Variants in TWIST2 observed in about 807,000 individuals in gnomAD.
TWIST2 encodes twist family bHLH transcription factor 2, also known as twist-related protein 2.
A neutral mutation model predicts 11.6 loss-of-function variants in TWIST2; 1 was observed. That is an observed-to-expected ratio of 0.09 (90% CI 0.03 to 0.41). The LOEUF is 0.41. TWIST2 is among the 10% of genes least tolerant of loss of function. The pLI, the probability that TWIST2 is intolerant of heterozygous loss-of-function variation, is 0.98. For missense variants in TWIST2, 168 were observed against 226.4 expected, an observed-to-expected ratio of 0.74 and a Z score of 1.66; for synonymous variants, 87 against 96.6, an observed-to-expected ratio of 0.90 and a Z score of 0.58.
chr2:238,889,233 G>C (rs974139654), intron 1 of TWIST2, among the ~76,000 whole-genome samples: 1 of 152,224 alleles, frequency 6.6e-6, no homozygotes, highest in Admixed American at 6.5e-5. Flanking sequence ...AACAATGTGA[G>C]TGTAAAATCT....
chr2:238,871,509 A>C (rs1574756125), intron 1 of TWIST2, among the ~76,000 whole-genome samples: 2 of 80,396 alleles, frequency 2.5e-5, no homozygotes. Flanking sequence ...ACCACACCCC[A>C]CACATACCCC....
At chr2:238,900,367 G>T (rs1693254652) in intron 1 of TWIST2, among the ~76,000 whole-genome samples, 1 of 152,176 alleles carries the variant, frequency 6.6e-6, no homozygotes, top group Admixed American at 6.5e-5. Flanking sequence ...AGCTGTAGGG[G>T]TTGCACACCC....
At chr2:238,878,248 G>T (rs1447740011) in intron 1 of TWIST2, among the ~76,000 whole-genome samples, 1 of 152,126 alleles carries the variant, frequency 6.6e-6, no homozygotes, top group Non-Finnish European at 1.5e-5. Flanking sequence ...GGATCCCTGT[G>T]CCACCAGTGG....
Position 238,848,279 on chromosome 2 carries a change from C to A in TWIST2, c.64C>A (p.Leu22Ile), listed in dbSNP as rs1380717559. Residue 22 changes from leucine (L) to isoleucine (I), a missense_variant, in exon 1 of 2, where the codon CTC becomes ATC. Leu to Ile is a conservative substitution (Grantham distance 5). Transcript: ENST00000612363. ...VDSLGTSEEE[L>I]ERQPKRFGRK... ...CAGCCTGGGCACCAGCGAGGAGGAG[C>A]TCGAGAGGCAGCCCAAGCGCTTCGG... 2 of 1,530,002 alleles carry A rather than the reference C, an allele frequency of 1.3e-6. No homozygotes were observed. The highest frequency in any genetic ancestry group is 2.0e-5 in the Admixed American group (1 of 50,834). The allele number at this position is 1,530,002 out of a possible 1,614,324, so 94.8% of individuals were successfully genotyped here. A position where few individuals can be genotyped will look rare whatever the true frequency, so the allele number is the denominator to read the frequency against.
intron 1 of TWIST2, among the ~76,000 whole-genome samples, chr2:238,900,498 T>C (rs1465580223): frequency 6.6e-6 from 1 of 152,216 alleles, no homozygotes; most frequent in Non-Finnish European, 1.5e-5. Context: ...TCATTTGTTG[T>C]CGTACTTGCA....
At chr2:238,855,790 G>A (rs1214975263) in intron 1 of TWIST2, among the ~76,000 whole-genome samples, 1 of 152,148 alleles carries the variant, frequency 6.6e-6, no homozygotes, top group East Asian at 1.9e-4. Context: ...ATACAGAATG[G>A]CCGAGGACCC....
At chr2:238,891,975 G>T (rs1054587407) in intron 1 of TWIST2, among the ~76,000 whole-genome samples, 6 of 152,226 alleles carry the variant, frequency 3.9e-5, no homozygotes, top group Non-Finnish European at 8.8e-5. Context: ...TAGCCCTGGA[G>T]TTCGTTCACG....
chr2:238,871,924 C>A (rs1023686948), intron 1 of TWIST2, among the ~76,000 whole-genome samples: 2 of 152,056 alleles, frequency 1.3e-5, no homozygotes, highest in Non-Finnish European at 2.9e-5. Flanking sequence ...TTAGTGGGGA[C>A]AGAGTCTCAG....
intron 1 of TWIST2, among the ~76,000 whole-genome samples, chr2:238,869,633 T>G (rs563613326): frequency 6.6e-6 from 1 of 152,306 alleles, no homozygotes; most frequent in East Asian, 1.9e-4. Context: ...GAAATGCAGA[T>G]CCAACCAGAA....
intron 1 of TWIST2, among the ~76,000 whole-genome samples, chr2:238,861,110 G>A (rs1692426527): frequency 6.6e-6 from 1 of 152,140 alleles, no homozygotes; most frequent in South Asian, 2.1e-4. Flanking sequence ...TGGCCGCCGG[G>A]GCCCTGGCCT....
Position 238,910,456 on chromosome 2 carries a change from G to A in TWIST2, c.*650G>A, listed in dbSNP as rs1693434708. 1 of 152,208 alleles carries A rather than the reference G, an allele frequency of 6.6e-6. No homozygotes were observed. The highest frequency in any genetic ancestry group is 6.5e-5 in the Admixed American group (1 of 15,288). The allele number at this position is 152,208 out of a possible 1,614,324, so 9.4% of individuals were successfully genotyped here. A position where few individuals can be genotyped will look rare whatever the true frequency, so the allele number is the denominator to read the frequency against. On this transcript the variant is annotated 3_prime_UTR_variant, in exon 2 of 2. Transcript: ENST00000612363. ...GTTGCTTGTTTGTTTTATTTATTGA[G>A]ATATTTTTACAAGCTAAGTGACTGC...
At position 238,876,981 on chromosome 2, in the gene TWIST2, G is replaced by A. The variant is rs975526128; in HGVS notation, c.*35+28248G>A. Among the ~76,000 whole-genome samples, 9 of 152,140 alleles carry A rather than the reference G, an allele frequency of 5.9e-5. 1 individual carries two copies. The highest frequency in any genetic ancestry group is 1.0e-4 in the Non-Finnish European group (7 of 68,024). On this transcript the variant is annotated intron_variant, in intron 1 of 1. Coordinates refer to ENST00000612363, the MANE Select transcript of TWIST2 (RefSeq NM_001271893.4). The stretch of plus-strand genomic sequence containing the variant: ...TCCTTACCTTCAGCGGATCACCTGA[G>A]GTCAGGAGTTTGAGACTAGCCTGGC...
intron 1 of TWIST2, among the ~76,000 whole-genome samples, chr2:238,905,926 C>CAT (rs1693341653): frequency 9.6e-6 from 1 of 103,800 alleles, no homozygotes; most frequent in Non-Finnish European, 1.9e-5. Flanking sequence ...TGCAGGTGTG[C>CAT]GTGTGCGCGT....
At chr2:238,872,119 C>T (rs1285400741) in intron 1 of TWIST2, among the ~76,000 whole-genome samples, 1 of 152,220 alleles carries the variant, frequency 6.6e-6, no homozygotes, top group East Asian at 1.9e-4. Context: ...AGGCAGGTGA[C>T]TCCTGGGCTG....
intron 1 of TWIST2, among the ~76,000 whole-genome samples, chr2:238,900,166 GATA>G (rs1693251939): frequency 6.6e-6 from 1 of 152,170 alleles, no homozygotes; most frequent in Non-Finnish European, 1.5e-5. Context: ...GATGGCTATC[GATA>G]CATTTGGGTT....
At chr2:238,875,730 G>A (rs1692793784) in intron 1 of TWIST2, among the ~76,000 whole-genome samples, 1 of 152,178 alleles carries the variant, frequency 6.6e-6, no homozygotes, top group Admixed American at 6.5e-5. Flanking sequence ...TCACTCAGCC[G>A]AGTTTCTGGG....
At chr2:238,876,123 C>G (rs866185807) in intron 1 of TWIST2, among the ~76,000 whole-genome samples, 1 of 152,166 alleles carries the variant, frequency 6.6e-6, no homozygotes, top group Non-Finnish European at 1.5e-5. Context: ...GTCACTGCCC[C>G]GTTGGGTGGG....
intron 1 of TWIST2, among the ~76,000 whole-genome samples, chr2:238,872,994 T>C (rs982551411): frequency 6.6e-6 from 1 of 152,010 alleles, no homozygotes; most frequent in East Asian, 1.9e-4. Context: ...ACCATTCACA[T>C]CCAGCCAAGG....
At chr2:238,901,928 T>G (rs1574768596) in intron 1 of TWIST2, among the ~76,000 whole-genome samples, 1 of 148,906 alleles carries the variant, frequency 6.7e-6, no homozygotes, top group Non-Finnish European at 1.5e-5. Context: ...GGAGAGGAGG[T>G]GGGGGTGAGA....
Sources: allele counts gnomAD v4.1 joint callset (sites outside exome capture counted in the v4.1 genomes callset), GRCh38; gene constraint gnomAD v4.1.1; transcripts MANE v1.5; gene names NCBI Gene and HGNC (gene_info 2026-07-23, HGNC 2026-07-21).